PRR16: variants seen among roughly 807,000 people sequenced by gnomAD.
The protein encoded by PRR16 is protein Largen.
PRR16 carries 6 observed loss-of-function variants against 18.2 expected under a neutral mutation model. The observed-to-expected ratio is 0.33, with a 90% CI of 0.18 to 0.65. The LOEUF is 0.65. Among genes scored for constraint, PRR16 ranks in the 30% least tolerant of loss-of-function variants. The pLI is 0.74. For synonymous variants in PRR16, 151 were observed against 147.8 expected, an observed-to-expected ratio of 1.02 and a Z score of -0.16; for missense variants, 412 against 376.6, an observed-to-expected ratio of 1.09 and a Z score of -0.78.
At chr5:120,481,242 G>C in intron 1 of PRR16, 1 of 518,140 alleles carries the variant, frequency 1.9e-6, no homozygotes, top group Non-Finnish European at 3.5e-6. Context: ...CTGCCTCCCA[G>C]GTTCAAGCTA....
At chr5:120,782,329 C>CA in the PRR16 span, among the ~76,000 whole-genome samples, 1 of 152,152 alleles carries the variant, frequency 6.6e-6, no homozygotes, top group Non-Finnish European at 1.5e-5. Context: ...TCCATACATG[C>CA]AGCCCACCCT....
intron 1 of PRR16, among the ~76,000 whole-genome samples, chr5:120,487,036 T>C (rs1188837500): frequency 1.3e-5 from 2 of 152,176 alleles, no homozygotes; most frequent in African/African-American, 4.8e-5. Context: ...ACCATGCTGT[T>C]TTGGTTACTG....
At chr5:120,567,476 T>A (rs1752773220) in intron 1 of PRR16, among the ~76,000 whole-genome samples, 1 of 152,160 alleles carries the variant, frequency 6.6e-6, no homozygotes, top group Non-Finnish European at 1.5e-5. Context: ...TTATTACAAC[T>A]TCCTGTCTTC....
intron 1 of PRR16, among the ~76,000 whole-genome samples, chr5:120,503,326 T>C (rs1750529224): frequency 6.6e-6 from 1 of 152,180 alleles, no homozygotes; most frequent in Admixed American, 6.5e-5. Flanking sequence ...AATAATATTA[T>C]TTCATTCATT....
the PRR16 span, among the ~76,000 whole-genome samples, chr5:120,719,650 C>G: frequency 6.6e-6 from 1 of 151,852 alleles, no homozygotes; most frequent in Non-Finnish European, 1.5e-5. Context: ...TGCATATGTC[C>G]AATTCTAGGT....
At chr5:120,585,984 GCCAACATGGTGAT>G (rs1254273146) in intron 1 of PRR16, among the ~76,000 whole-genome samples, 1 of 151,882 alleles carries the variant, frequency 6.6e-6, no homozygotes, top group Non-Finnish European at 1.5e-5. Context: ...GACCATCCTG[GCCAACATGGTGAT>G]CCCTGTCTCT....
chr5:120,766,890 T>G, the PRR16 span, among the ~76,000 whole-genome samples: 1 of 151,924 alleles, frequency 6.6e-6, no homozygotes, highest in African/African-American at 2.4e-5. Context: ...GAATATTTGA[T>G]TTAAACTTAT....
the PRR16 span, among the ~76,000 whole-genome samples, chr5:120,785,838 G>A: frequency 1.3e-5 from 2 of 151,366 alleles, no homozygotes; most frequent in African/African-American, 4.8e-5. Context: ...CAAAGTGCTG[G>A]GATTACAGAT....
chr5:120,523,651 A>G, intron 1 of PRR16, among the ~76,000 whole-genome samples: 1 of 152,196 alleles, frequency 6.6e-6, no homozygotes, highest in Admixed American at 6.5e-5. Flanking sequence ...ACATTATACT[A>G]AACTATAAAC....
intron 1 of PRR16, among the ~76,000 whole-genome samples, chr5:120,467,169 A>G (rs2112793472): frequency 6.6e-6 from 1 of 152,298 alleles, no homozygotes; most frequent in African/African-American, 2.4e-5. Flanking sequence ...GTTGCTGTAC[A>G]TGAATGTTGC....
chr5:120,633,513 A>G (rs1308471315), intron 1 of PRR16, among the ~76,000 whole-genome samples: 1 of 152,182 alleles, frequency 6.6e-6, no homozygotes, highest in Admixed American at 6.5e-5. Flanking sequence ...AACTTAAGGT[A>G]AAGGGGTGGA....
chr5:120,707,007 G>A, the PRR16 span, among the ~76,000 whole-genome samples: 2 of 152,290 alleles, frequency 1.3e-5, no homozygotes, highest in East Asian at 3.9e-4. Context: ...CAAAGGAATG[G>A]TTCCCAGATT....
the PRR16 span, among the ~76,000 whole-genome samples, chr5:120,788,716 T>C: frequency 6.6e-6 from 1 of 152,124 alleles, no homozygotes; most frequent in Non-Finnish European, 1.5e-5. Flanking sequence ...TGATGAAAGA[T>C]TGTTTTTTAC....
chr5:120,683,354 T>A (rs905990498), intron 1 of PRR16, among the ~76,000 whole-genome samples: 1 of 151,790 alleles, frequency 6.6e-6, no homozygotes. Context: ...TACAAAAAAT[T>A]AGGTGGGTGT....
At chr5:120,779,999 T>C in the PRR16 span, among the ~76,000 whole-genome samples, 5 of 152,194 alleles carry the variant, frequency 3.3e-5, no homozygotes, top group Non-Finnish European at 5.9e-5. Context: ...TAAATGAACA[T>C]TGCATATTCA....
At chr5:120,633,695 C>T (rs190638541) in intron 1 of PRR16, among the ~76,000 whole-genome samples, 2 of 151,580 alleles carry the variant, frequency 1.3e-5, no homozygotes, top group Admixed American at 6.6e-5. Flanking sequence ...TATATATGCA[C>T]CTAAAACTGG....
chr5:120,626,838 CTT>C (rs1219346484), intron 1 of PRR16, among the ~76,000 whole-genome samples: 1 of 152,022 alleles, frequency 6.6e-6, no homozygotes. Flanking sequence ...AAATAGGAAT[CTT>C]ATTTATTTAG....
chr5:120,782,703 G>T, the PRR16 span, among the ~76,000 whole-genome samples: 1 of 152,066 alleles, frequency 6.6e-6, no homozygotes, highest in Non-Finnish European at 1.5e-5. Flanking sequence ...GGATGAGAAA[G>T]AAAGAGCTTT....
At chr5:120,660,171 A>G (rs1301543537) in intron 1 of PRR16, among the ~76,000 whole-genome samples, 1 of 152,204 alleles carries the variant, frequency 6.6e-6, no homozygotes, top group East Asian at 1.9e-4. Flanking sequence ...TTTATAGTAT[A>G]CTTAGAAATT....
Sources: gnomAD v4.1 joint callset for allele counts (sites outside exome capture counted in the v4.1 genomes callset) on GRCh38, gnomAD v4.1.1 for gene constraint, MANE v1.5 for transcripts, NCBI Gene and HGNC (gene_info 2026-07-23, HGNC 2026-07-21) for gene names.